The following BUD13 variants were observed in gnomAD, a reference collection of about 807,000 sequenced individuals.
The protein encoded by BUD13 is BUD13 spliceosome associated protein.
BUD13 carries 47 observed loss-of-function variants against 62.5 expected under a neutral mutation model. The ratio of observed to expected loss-of-function variants is 0.75; its 90% confidence interval spans 0.60 to 0.96. The LOEUF is 0.96. BUD13 is among the 40% of genes least tolerant of loss of function. The probability of loss-of-function intolerance (pLI) is 0.00; values close to 1 mark genes in which losing one functional copy is unlikely to be tolerated. For missense variants in BUD13, 821 were observed against 790.9 expected, an observed-to-expected ratio of 1.04 and a Z score of -0.46; for synonymous variants, 293 against 280.1, an observed-to-expected ratio of 1.05 and a Z score of -0.46.
chr11:116,765,548 A>G (rs34766131), intron 2 of BUD13, 102 bp from the exon 3 acceptor site: 1 of 1,238,828 alleles, frequency 8.1e-7, no homozygotes, highest in Non-Finnish European at 1.2e-6. Context: ...TCCTAACACA[A>G]GGGCGTACAT....
intron 1 of BUD13, 148 bp from the exon 2 acceptor site, chr11:116,770,370 C>T: frequency 1.6e-6 from 1 of 615,128 alleles, no homozygotes; most frequent in Non-Finnish European, 2.7e-6. Context: ...TCTCCTACTG[C>T]TACTTCCTTG....
intron 1 of BUD13, among the ~76,000 whole-genome samples, chr11:116,770,537 C>G (rs1254668310): frequency 6.6e-6 from 1 of 151,674 alleles, no homozygotes; most frequent in East Asian, 1.9e-4. Context: ...CTCTGTTGCC[C>G]AGGCTGGAGT....
intron 1 of BUD13, 76 bp downstream of exon 1, chr11:116,772,746 T>G: frequency 7.0e-7 from 1 of 1,423,904 alleles, no homozygotes; most frequent in South Asian, 1.4e-5. Context: ...GGGAAGGAAC[T>G]GCCGGGCGGC....
In BUD13 at chr11:116,757,224, C is replaced by T. The variant is rs747957637; in HGVS notation, c.1688G>A (p.Arg563Lys). The change falls in exon 9 of 10, where the codon AGA becomes AAA. Residue 563 changes from arginine to lysine, a missense_variant. Coordinates refer to ENST00000260210, the MANE Select transcript of BUD13 (RefSeq NM_032725.4). ...AGGTGCTGGACCACTGTAGCGAGGT[C>T]TCACTAATGAGAGGAGTAAGAAAAA... Reference protein sequence around the residue: ...KAKENKNKKVRPRYSGPAPPP... With the variant: ...KAKENKNKKVKPRYSGPAPPP... 4.3e-6 allele frequency: 7 copies of T among 1,613,626 alleles called. No homozygotes were observed. The highest frequency in any genetic ancestry group is 5.9e-6 in the Non-Finnish European group (7 of 1,179,678).
intron 3 of BUD13, among the ~76,000 whole-genome samples, chr11:116,764,071 A>G (rs1426067360): frequency 3.3e-5 from 5 of 152,226 alleles, no homozygotes; most frequent in Non-Finnish European, 4.4e-5. Context: ...ATCCAGCTCT[A>G]TTTGACTCCA....
At chr11:116,758,479 G>C (rs776002143) in intron 6 of BUD13, 72 bp from the exon 7 acceptor site, 163 of 1,525,352 alleles carry the variant, frequency 1.1e-4, no homozygotes, top group Non-Finnish European at 1.4e-4. Flanking sequence ...CAAATCAACC[G>C]CTTGGGATTC....
At chr11:116,754,017 G>C (rs558427679) in intron 9 of BUD13, among the ~76,000 whole-genome samples, 1 of 152,216 alleles carries the variant, frequency 6.6e-6, no homozygotes, top group African/African-American at 2.4e-5. Flanking sequence ...CTATCCACTG[G>C]GCCATAAAAC....
intron 4 of BUD13, 47 bp downstream of exon 4, chr11:116,762,506 G>A (rs779161776): frequency 7.0e-7 from 1 of 1,430,384 alleles, no homozygotes; most frequent in Admixed American, 2.3e-5. Flanking sequence ...CCAAAAGAAA[G>A]CTCCCAGGGA....
chr11:116,752,981 T>C (rs776645757), intron 9 of BUD13, among the ~76,000 whole-genome samples: 1 of 152,052 alleles, frequency 6.6e-6, no homozygotes, highest in Non-Finnish European at 1.5e-5. Flanking sequence ...CTTAGGCCCA[T>C]ATAAGGTGGG....
chr11:116,768,501 T>C (rs969529093), intron 2 of BUD13, among the ~76,000 whole-genome samples: 1 of 152,218 alleles, frequency 6.6e-6, no homozygotes, highest in Admixed American at 6.5e-5. Context: ...GATGGTAACA[T>C]GCAAGTGTTT....
At chr11:116,761,143 C>T (rs1011426045) in intron 4 of BUD13, among the ~76,000 whole-genome samples, 191 bp from the exon 5 acceptor site, 2 of 152,008 alleles carry the variant, frequency 1.3e-5, no homozygotes, top group African/African-American at 2.4e-5. Flanking sequence ...CCTCCGCCTC[C>T]TGGGTTCAAG....
intron 9 of BUD13, among the ~76,000 whole-genome samples, chr11:116,749,371 G>C (rs1940195048): frequency 6.6e-6 from 1 of 152,152 alleles, no homozygotes; most frequent in Non-Finnish European, 1.5e-5. Context: ...AATACGCATG[G>C]GGTGTCATGG....
At chr11:116,766,480 C>T (rs1940531434) in intron 2 of BUD13, among the ~76,000 whole-genome samples, 1 of 152,236 alleles carries the variant, frequency 6.6e-6, no homozygotes, top group African/African-American at 2.4e-5. Context: ...TGAGATCTCT[C>T]ACTGAGCGTT....
chr11:116,768,499 C>T (rs1025106121), intron 2 of BUD13, among the ~76,000 whole-genome samples: 6 of 152,070 alleles, frequency 3.9e-5, no homozygotes, highest in Non-Finnish European at 7.4e-5. Context: ...TGGATGGTAA[C>T]ATGCAAGTGT....
chr11:116,758,112 A>T (rs868799898), intron 7 of BUD13, among the ~76,000 whole-genome samples, 157 bp downstream of exon 7: 3 of 152,342 alleles, frequency 2.0e-5, no homozygotes, highest in African/African-American at 7.2e-5. Flanking sequence ...GAAGCGTGGA[A>T]TATATCAATA....
intron 9 of BUD13, among the ~76,000 whole-genome samples, chr11:116,749,369 T>C (rs78726934): frequency 0.042 from 6,347 of 152,130 alleles, 410 homozygotes; most frequent in African/African-American, 0.14. Context: ...GAAATACGCA[T>C]GGGGTGTCAT....
chr11:116,772,432 G>C lies in BUD13; in HGVS notation c.143+390C>G, dbSNP rs544539070. ...TCAAAGGTCTCTGATTCAGAACCAA[G>C]TCCTTGGGATCTGGGAATCCCCACA... On this transcript the variant is annotated intron_variant, in intron 1 of 9. Coordinates refer to ENST00000260210, the MANE Select transcript of BUD13 (RefSeq NM_032725.4). Among the ~76,000 whole-genome samples the C allele has an allele frequency of 7.9e-4, 121 of 152,336 alleles. 2 individuals carry two copies. In the Middle Eastern group the frequency reaches 0.031, roughly 39 times the overall value.
intron 1 of BUD13, among the ~76,000 whole-genome samples, chr11:116,771,860 A>G (rs1265204426): frequency 6.6e-6 from 1 of 152,206 alleles, no homozygotes; most frequent in Non-Finnish European, 1.5e-5. Flanking sequence ...AAAACAACAG[A>G]AACTCTCTCG....
chr11:116,772,978 G>C lies in BUD13; in HGVS notation c.-14C>G. ...AGCTGCCGCCATGGCAGCGGCGGGGGCAGAGAGACGGGTCGGCGCTGGGGA... is the reference window on the plus strand; with the variant it reads ...AGCTGCCGCCATGGCAGCGGCGGGGCCAGAGAGACGGGTCGGCGCTGGGGA... On this transcript the variant is annotated 5_prime_UTR_variant, in exon 1 of 10. Transcript: ENST00000260210. The C allele has an allele frequency of 6.5e-7, 1 of 1,527,476 alleles. No individual in the cohort carries two copies. Among genetic ancestry groups the C allele is most frequent in the South Asian group, 1.2e-5 (1 of 84,404 alleles). The allele number at this position is 1,527,476 out of a possible 1,614,324, so 94.6% of individuals were successfully genotyped here. A position where few individuals can be genotyped will look rare whatever the true frequency, so the allele number is the denominator to read the frequency against.
Sources: allele counts gnomAD v4.1 joint callset (sites outside exome capture counted in the v4.1 genomes callset), GRCh38; gene constraint gnomAD v4.1.1; transcripts MANE v1.5; gene names NCBI Gene and HGNC (gene_info 2026-07-23, HGNC 2026-07-21).